CCSER1: variants seen among roughly 807,000 people sequenced by gnomAD.
CCSER1 encodes serine-rich coiled-coil domain-containing protein 1.
A neutral mutation model predicts 82.0 loss-of-function variants in CCSER1; 41 were observed. The ratio of observed to expected loss-of-function variants is 0.50; its 90% CI spans 0.39 to 0.65. The LOEUF (loss-of-function observed/expected upper bound fraction) is 0.65. CCSER1 is among the 30% of genes least tolerant of loss of function. The pLI, the probability that CCSER1 is intolerant of heterozygous loss-of-function variation, is 0.00. For missense variants in CCSER1, 1,119 were observed against 1,064.2 expected, an observed-to-expected ratio of 1.05 and a Z score of -0.72; for synonymous variants, 414 against 383.9, an observed-to-expected ratio of 1.08 and a Z score of -0.92.
At chr4:90,978,666 T>G (rs1735828318) in intron 9 of CCSER1, among the ~76,000 whole-genome samples, 1 of 151,772 alleles carries the variant, frequency 6.6e-6, no homozygotes, top group African/African-American at 2.4e-5. Flanking sequence ...TTAGATTTTG[T>G]GATGAGGGAT....
At chr4:91,061,363 A>T (rs1743936431) in intron 9 of CCSER1, among the ~76,000 whole-genome samples, 1 of 151,834 alleles carries the variant, frequency 6.6e-6, no homozygotes, top group Admixed American at 6.6e-5. Flanking sequence ...CTTCAAACTG[A>T]CTTAATCCGG....
intron 9 of CCSER1, among the ~76,000 whole-genome samples, chr4:90,957,678 G>A (rs1372911896): frequency 1.0e-4 from 11 of 106,528 alleles, no homozygotes; most frequent in Admixed American, 9.2e-4. Context: ...ATAATTTCAT[G>A]GTATATGTAT....
intron 9 of CCSER1, among the ~76,000 whole-genome samples, chr4:91,025,343 C>T (rs1156660681): frequency 6.6e-6 from 1 of 152,116 alleles, no homozygotes; most frequent in African/African-American, 2.4e-5. Flanking sequence ...TAAAAAGCTT[C>T]AGGGACTATC....
chr4:90,520,817 G>A (rs1356311426), intron 5 of CCSER1, among the ~76,000 whole-genome samples: 2 of 152,144 alleles, frequency 1.3e-5, no homozygotes, highest in African/African-American at 4.8e-5. Flanking sequence ...CATGTCCCAG[G>A]GACTCAGGAG....
chr4:91,468,718 C>T (rs775718448), intron 10 of CCSER1, among the ~76,000 whole-genome samples: 1 of 151,702 alleles, frequency 6.6e-6, no homozygotes, highest in Non-Finnish European at 1.5e-5. Context: ...AAAATATATT[C>T]TTTTAAATAT....
intron 10 of CCSER1, among the ~76,000 whole-genome samples, chr4:91,499,497 A>G (rs969519516): frequency 5.9e-5 from 9 of 151,870 alleles, no homozygotes; most frequent in African/African-American, 1.9e-4. Flanking sequence ...TCCAAAATAC[A>G]TAGTTTACAC....
chr4:90,359,065 A>G (rs912524925), intron 3 of CCSER1, among the ~76,000 whole-genome samples: 2 of 152,202 alleles, frequency 1.3e-5, no homozygotes, highest in African/African-American at 4.8e-5. Flanking sequence ...ATAAGGCACG[A>G]TGTGTTACGA....
chr4:90,809,737 A>G (rs201043966), intron 7 of CCSER1, among the ~76,000 whole-genome samples: 9 of 66,640 alleles, frequency 1.4e-4, no homozygotes, highest in Non-Finnish European at 2.5e-4. Context: ...AGGTAAAAAA[A>G]AAAAGTTAGT....
chr4:90,297,125 G>A (rs1205845018), intron 1 of CCSER1, among the ~76,000 whole-genome samples: 2 of 151,928 alleles, frequency 1.3e-5, no homozygotes, highest in African/African-American at 2.4e-5. Flanking sequence ...CTACCCATGA[G>A]CATGGAATGT....
chr4:91,242,961 A>G lies in CCSER1; in HGVS notation c.2217+156967A>G, dbSNP rs540879668. Among the ~76,000 whole-genome samples the G allele has an allele frequency of 2.0e-5, 3 of 152,266 alleles. No individual in the cohort carries two copies. In the South Asian group the frequency reaches 6.2e-4, roughly 32 times the overall value. ...ACAAGAATAAAAAATCAGATAACCAATCACAGTACCTGATTTTAACTTCAT... is the reference window on the plus strand; with the variant it reads ...ACAAGAATAAAAAATCAGATAACCAGTCACAGTACCTGATTTTAACTTCAT... On this transcript the variant is annotated intron_variant, in intron 10 of 10. Coordinates refer to ENST00000509176, the MANE Select transcript of CCSER1 (RefSeq NM_001145065.2).
At chr4:91,198,873 C>A (rs1455312071) in intron 10 of CCSER1, among the ~76,000 whole-genome samples, 1 of 152,110 alleles carries the variant, frequency 6.6e-6, no homozygotes, top group Non-Finnish European at 1.5e-5. Flanking sequence ...ATGCTGATTT[C>A]AGTTGTGAAC....
intron 9 of CCSER1, among the ~76,000 whole-genome samples, chr4:91,071,012 T>C (rs1178153787): frequency 6.6e-6 from 1 of 152,150 alleles, no homozygotes; most frequent in Non-Finnish European, 1.5e-5. Context: ...AATAAATTAA[T>C]ATGATCTCCA....
At chr4:91,299,345 G>C (rs916797499) in intron 10 of CCSER1, among the ~76,000 whole-genome samples, 8 of 151,924 alleles carry the variant, frequency 5.3e-5, no homozygotes, top group Non-Finnish European at 7.4e-5. Context: ...TATCTCACTT[G>C]AGAAATTATT....
chr4:90,672,770 G>T (rs1202571600), intron 6 of CCSER1, among the ~76,000 whole-genome samples: 1 of 151,948 alleles, frequency 6.6e-6, no homozygotes, highest in African/African-American at 2.4e-5. Flanking sequence ...TGAACACTTA[G>T]ACGCCATTGT....
At chr4:90,367,025 A>G (rs1299462807) in intron 3 of CCSER1, among the ~76,000 whole-genome samples, 1 of 151,950 alleles carries the variant, frequency 6.6e-6, no homozygotes, top group East Asian at 1.9e-4. Context: ...GTGGAAAGCC[A>G]ATGAAAATTT....
At chr4:90,872,936 C>G (rs747302238) in intron 8 of CCSER1, among the ~76,000 whole-genome samples, 1 of 151,980 alleles carries the variant, frequency 6.6e-6, no homozygotes, top group Non-Finnish European at 1.5e-5. Context: ...AAGTCCCCTG[C>G]CAAACATATT....
chr4:91,032,394 A>C (rs1741058962), intron 9 of CCSER1, among the ~76,000 whole-genome samples: 1 of 152,318 alleles, frequency 6.6e-6, no homozygotes, highest in South Asian at 2.1e-4. Context: ...AGGAAAACTA[A>C]GTGAAAACTA....
At chr4:90,458,313 A>G (rs981599690) in intron 4 of CCSER1, among the ~76,000 whole-genome samples, 2 of 151,350 alleles carry the variant, frequency 1.3e-5, no homozygotes, top group African/African-American at 4.9e-5. Context: ...ACCACTCCAC[A>G]TGGACCACTG....
chr4:91,357,370 A>AT (rs1460275034), intron 10 of CCSER1, among the ~76,000 whole-genome samples: 1 of 152,100 alleles, frequency 6.6e-6, no homozygotes, highest in African/African-American at 2.4e-5. Context: ...ATCTTTTATA[A>AT]TTTTTGTTAA....
Sources: allele counts gnomAD v4.1 joint callset (sites outside exome capture counted in the v4.1 genomes callset), GRCh38; gene constraint gnomAD v4.1.1; transcripts MANE v1.5; gene names NCBI Gene and HGNC (gene_info 2026-07-23, HGNC 2026-07-21).